The following PHLDB2 variants were observed in gnomAD, a reference collection of about 807,000 sequenced individuals.
PHLDB2 encodes pleckstrin homology-like domain family B member 2.
PHLDB2 carries 71 observed loss-of-function variants against 123.6 expected under a neutral mutation model. That is an observed-to-expected ratio of 0.57 (90% CI 0.47 to 0.70). The LOEUF (loss-of-function observed/expected upper bound fraction) is 0.70, where lower values mean the gene tolerates loss of function less well. Ranked by LOEUF, PHLDB2 falls within the 30% of genes least tolerant of loss-of-function variation. PHLDB2 has a pLI of 0.00. For synonymous variants in PHLDB2, 547 were observed against 541.6 expected (o/e 1.01, Z -0.14); for missense variants, 1,446 against 1,519.5 (o/e 0.95, Z 0.80).
chr3:111,880,368 G>A (rs947398277), intron 1 of PHLDB2, among the ~76,000 whole-genome samples: 6 of 152,066 alleles, frequency 3.9e-5, no homozygotes, highest in African/African-American at 1.4e-4. Flanking sequence ...AGTTCTGAGT[G>A]GCCAGAGGCA....
At chr3:111,858,058 T>G (rs926803389), upstream of PHLDB2, among the ~76,000 whole-genome samples, 1 of 152,224 alleles carries the variant, frequency 6.6e-6, no homozygotes. Flanking sequence ...CCAACCCAAG[T>G]GCCCATCAAT....
At chr3:111,827,466 G>C (rs1362197494) in intron 1 of PHLDB2, among the ~76,000 whole-genome samples, 1 of 152,132 alleles carries the variant, frequency 6.6e-6, no homozygotes, top group Non-Finnish European at 1.5e-5. Flanking sequence ...ACGAGGTCAG[G>C]AGATAGATAC....
rs759663921 is a variant in PHLDB2 at position 111,885,048 on chromosome 3, A to G, written c.971A>G (p.Tyr324Cys). The stretch of plus-strand genomic sequence containing the variant: ...ACCTCTGCTTCTGAAGGCAATCCTT[A>G]TGTAAGTTCTACCCTCAGTGTCCCT... The part of the protein sequence containing the change: ...YKTSASEGNP[Y>C]VSSTLSVPAS... Residue 324 changes from tyrosine (Y) to cysteine (C), a missense_variant, in exon 2 of 18, where the codon TAT becomes TGT. By Grantham distance (194) the Tyr-to-Cys change is radical. Coordinates refer to ENST00000431670, the MANE Select transcript of PHLDB2 (RefSeq NM_001134438.2). 6.8e-6 allele frequency: 11 copies of G among 1,614,056 alleles called. No homozygotes were observed. The Admixed American group carries it at 1.8e-4, about 27-fold the overall frequency.
intron 1 of PHLDB2, among the ~76,000 whole-genome samples, chr3:111,816,923 C>A (rs2062104002): frequency 6.6e-6 from 1 of 152,154 alleles, no homozygotes; most frequent in African/African-American, 2.4e-5. Flanking sequence ...CTGCAGTGTT[C>A]TCATGATAAT....
chr3:111,873,926 G>C (rs961519554), intron 1 of PHLDB2, among the ~76,000 whole-genome samples: 1 of 152,114 alleles, frequency 6.6e-6, no homozygotes, highest in African/African-American at 2.4e-5. Flanking sequence ...AACTATAAGC[G>C]AGAAATACAC....
chr3:111,913,471 G>C lies in PHLDB2; in HGVS notation c.1488G>C (p.Glu496Asp). ...TCTCTGATGAGGAGTCTGTGTTTGA[G>C]GAAGCCCTCATGAGCCCTGACACAA... ...LQLSDEESVF[E>D]EALMSPDTRY... Residue 496 changes from glutamate (E) to aspartate (D), a missense_variant, in exon 3 of 18, where the codon GAG becomes GAC. Around this residue, in one of 3 missense-constraint regions of PHLDB2, gnomAD observed 832 missense variants for 831.9 expected, o/e 1.00. Coordinates refer to ENST00000431670, the MANE Select transcript of PHLDB2 (RefSeq NM_001134438.2). 1 of 1,614,166 alleles carries C rather than the reference G, an allele frequency of 6.2e-7. No homozygotes were observed. Among genetic ancestry groups the C allele is most frequent in the South Asian group, 1.1e-5 (1 of 91,066 alleles).
At chr3:111,812,683 T>C (rs1446311638) in intron 1 of PHLDB2, among the ~76,000 whole-genome samples, 2 of 152,182 alleles carry the variant, frequency 1.3e-5, no homozygotes, top group African/African-American at 4.8e-5. Context: ...CATTAAGATT[T>C]TTTCCCTGAG....
intron 6 of PHLDB2, among the ~76,000 whole-genome samples, chr3:111,932,652 C>T (rs1444144731): frequency 2.6e-5 from 4 of 151,850 alleles, no homozygotes; most frequent in Admixed American, 6.6e-5. Flanking sequence ...TTTTTTGTGA[C>T]AAAAGAAGCT....
At chr3:111,799,456 G>A (rs892063890) in intron 1 of PHLDB2, among the ~76,000 whole-genome samples, 1 of 152,144 alleles carries the variant, frequency 6.6e-6, no homozygotes, top group African/African-American at 2.4e-5. Context: ...GAGGTAGACA[G>A]CTTCAATTGG....
intron 1 of PHLDB2, among the ~76,000 whole-genome samples, chr3:111,757,176 C>G (rs2059906382): frequency 6.6e-6 from 1 of 152,116 alleles, no homozygotes; most frequent in Non-Finnish European, 1.5e-5. Flanking sequence ...TCTGTATTTC[C>G]TTAATCTGAA....
At position 111,975,749 on chromosome 3, in the gene PHLDB2, A is replaced by G. The variant is rs2072463884; in HGVS notation, c.*1186A>G. 2 of 152,512 alleles carry G rather than the reference A, an allele frequency of 1.3e-5. No individual in the cohort carries two copies. The highest frequency in any genetic ancestry group is 2.4e-5 in the African/African-American group (1 of 41,414). 9.4% of individuals were successfully genotyped at this position (152,512 alleles called of 1,614,324 possible). On this transcript the variant is annotated 3_prime_UTR_variant, in exon 18 of 18. Coordinates refer to ENST00000431670, the MANE Select transcript of PHLDB2 (RefSeq NM_001134438.2). Reference sequence around the variant, plus strand: ...TTTCAAGTGCCATTTATTCTAGTTTATCATGTTTTGCATGTTTGAAAGTAT... The same window carrying G: ...TTTCAAGTGCCATTTATTCTAGTTTGTCATGTTTTGCATGTTTGAAAGTAT...
chr3:111,755,157 T>A (rs2059861471), intron 1 of PHLDB2, among the ~76,000 whole-genome samples: 4 of 148,752 alleles, frequency 2.7e-5, no homozygotes, highest in Admixed American at 2.0e-4. Flanking sequence ...AGGATGATGC[T>A]GGCCTCATAA....
chr3:111,820,784 G>A (rs922598333), intron 1 of PHLDB2, among the ~76,000 whole-genome samples: 4 of 152,200 alleles, frequency 2.6e-5, no homozygotes, highest in Non-Finnish European at 4.4e-5. Context: ...GGGCATGGCC[G>A]GAATGAGGCT....
rs527649232 is a variant in PHLDB2 at position 111,975,683 on chromosome 3, T to A, written c.*1120T>A. Reference sequence around the variant, plus strand: ...TAGCCTTTTTTTTAGTTAATTTTTGTCAAATGAAACGACTTCAGGCAAGTC... The same window carrying A: ...TAGCCTTTTTTTTAGTTAATTTTTGACAAATGAAACGACTTCAGGCAAGTC... On this transcript the variant is annotated 3_prime_UTR_variant, in exon 18 of 18. Transcript: ENST00000431670. 1.2e-4 allele frequency: 18 copies of A among 152,746 alleles called. No individual in the cohort carries two copies. The highest frequency in any genetic ancestry group is 2.1e-4 in the Non-Finnish European group (14 of 68,016). The allele number at this position is 152,746 out of a possible 1,614,324, so 9.5% of individuals were successfully genotyped here. A position where few individuals can be genotyped will look rare whatever the true frequency, so the allele number is the denominator to read the frequency against.
intron 1 of PHLDB2, among the ~76,000 whole-genome samples, chr3:111,823,835 GC>G (rs2062521647): frequency 6.6e-6 from 1 of 152,138 alleles, no homozygotes; most frequent in Non-Finnish European, 1.5e-5. Flanking sequence ...TTCCTCACCA[GC>G]CCCCTTGCCT....
At chr3:111,819,896 A>G (rs1235828804) in intron 1 of PHLDB2, among the ~76,000 whole-genome samples, 1 of 152,264 alleles carries the variant, frequency 6.6e-6, no homozygotes, top group Non-Finnish European at 1.5e-5. Context: ...GTTTGAAACC[A>G]AACAAGGTTG....
At chr3:111,825,995 T>TTTA (rs2062636396) in intron 1 of PHLDB2, among the ~76,000 whole-genome samples, 1 of 152,054 alleles carries the variant, frequency 6.6e-6, no homozygotes, top group Non-Finnish European at 1.5e-5. Flanking sequence ...CCTTATTACA[T>TTTA]TTATTATTAT....
upstream of PHLDB2, among the ~76,000 whole-genome samples, chr3:111,855,558 GTAATA>G (rs972481793): frequency 6.9e-6 from 1 of 144,726 alleles, no homozygotes; most frequent in Non-Finnish European, 1.5e-5. Flanking sequence ...AGAAAGTCTG[GTAATA>G]TAATAATAAC....
chr3:111,756,130 G>A (rs1183690296), intron 1 of PHLDB2, among the ~76,000 whole-genome samples: 1 of 152,076 alleles, frequency 6.6e-6, no homozygotes, highest in Non-Finnish European at 1.5e-5. Context: ...TGTATATTCT[G>A]TTGATTTGGG....
Sources: allele counts gnomAD v4.1 joint callset (sites outside exome capture counted in the v4.1 genomes callset), GRCh38; gene constraint gnomAD v4.1.1; regional missense constraint gnomAD v4.1.1; transcripts MANE v1.5; gene names NCBI Gene and HGNC (gene_info 2026-07-23, HGNC 2026-07-21).